Variants in ESR1 observed in about 807,000 individuals in gnomAD.
ESR1 encodes the protein estrogen receptor.
Under a neutral mutation model 52.7 loss-of-function variants are expected in ESR1, and 12 were observed. The observed-to-expected ratio is 0.23, with a 90% CI of 0.15 to 0.37. The LOEUF (loss-of-function observed/expected upper bound fraction) is 0.37, where lower values mean the gene tolerates loss of function less well. Ranked by LOEUF, ESR1 falls within the 10% of genes least tolerant of loss-of-function variation. The probability of loss-of-function intolerance (pLI) is 1.00; values close to 1 mark genes in which losing one functional copy is unlikely to be tolerated. For synonymous variants in ESR1, 305 were observed against 316.8 expected (o/e 0.96, Z 0.39); for missense variants, 584 against 779.7 (o/e 0.75, Z 2.99).
chr6:151,919,583 A>G (rs2031159775), intron 3 of ESR1, among the ~76,000 whole-genome samples: 1 of 152,240 alleles, frequency 6.6e-6, no homozygotes, highest in Non-Finnish European at 1.5e-5. Flanking sequence ...TGAGGTTACA[A>G]ATTGTTGACC....
At chr6:151,821,692 G>A (rs111929280) in intron 1 of ESR1, among the ~76,000 whole-genome samples, 479 of 152,194 alleles carry the variant, frequency 3.1e-3, no homozygotes, top group Non-Finnish European at 5.6e-3. Context: ...TTTCACTTTA[G>A]TATTGACAGA....
chr6:151,900,828 C>T (rs1562528832), intron 3 of ESR1, among the ~76,000 whole-genome samples: 1 of 152,212 alleles, frequency 6.6e-6, no homozygotes, highest in Non-Finnish European at 1.5e-5. Context: ...GATTCCAGCA[C>T]CTGCTCTGAT....
chr6:152,008,691 G>A (rs1299195129), intron 4 of ESR1, among the ~76,000 whole-genome samples: 2 of 152,054 alleles, frequency 1.3e-5, no homozygotes, highest in African/African-American at 2.4e-5. Flanking sequence ...TTCTTTTTGA[G>A]GTTTATTTAG....
chr6:151,702,321 C>G (rs557397573), intron 2 of ESR1, among the ~76,000 whole-genome samples: 2 of 152,288 alleles, frequency 1.3e-5, no homozygotes, highest in East Asian at 3.9e-4. Context: ...ATAGTCCACT[C>G]TAAGTAGGGA....
At chr6:151,848,030 T>C (rs1785461059) in intron 2 of ESR1, among the ~76,000 whole-genome samples, 1 of 85,208 alleles carries the variant, frequency 1.2e-5, no homozygotes, top group African/African-American at 4.4e-5. Flanking sequence ...CATGCACATG[T>C]ATGTTTATTG....
chr6:151,925,259 C>T lies in ESR1; in HGVS notation c.761-18914C>T, dbSNP rs552323275. Among the ~76,000 whole-genome samples the T allele has an allele frequency of 5.3e-5, 8 of 151,946 alleles. No individual in the cohort carries two copies. In the South Asian group the frequency reaches 1.5e-3, roughly 28 times the overall value. On this transcript the variant is annotated intron_variant, in intron 3 of 7. Transcript: ENST00000206249. ...TATGTAGCATTTTTTCATTTGTTGC[C>T]AACTGTATGTATTTTTCAATGAGGT... is the stretch of plus-strand genomic sequence containing the variant.
rs1342269213 is a variant in ESR1 at position 151,916,704 on chromosome 6, T to C, written c.761-27469T>C. ...CCCAGATCAATATTTTAGGAAACAG[T>C]CATGCTTGCTAAACCCAGGGATTTC... On this transcript the variant is annotated intron_variant, in intron 3 of 7. Coordinates refer to ENST00000206249, the MANE Select transcript of ESR1 (RefSeq NM_000125.4). 3.3e-5 allele frequency among the ~76,000 whole-genome samples: 5 copies of C among 152,276 alleles called. No individual in the cohort carries two copies. In the South Asian group the frequency reaches 8.3e-4, roughly 25 times the overall value.
intron 2 of ESR1, among the ~76,000 whole-genome samples, chr6:151,730,108 T>G (rs952977311): frequency 6.6e-6 from 1 of 152,236 alleles, no homozygotes; most frequent in South Asian, 2.1e-4. Context: ...GTTCCTGTTA[T>G]GCACATCAAT....
intron 4 of ESR1, among the ~76,000 whole-genome samples, chr6:151,977,888 A>C (rs1260751460): frequency 6.6e-6 from 1 of 151,408 alleles, no homozygotes; most frequent in African/African-American, 2.4e-5. Flanking sequence ...TGTATGCACC[A>C]ACCCTTAGAA....
chr6:151,806,949 T>C (rs555373081), upstream of ESR1, among the ~76,000 whole-genome samples: 8 of 152,268 alleles, frequency 5.3e-5, 1 homozygote, highest in East Asian at 1.6e-3. Context: ...TGGGACCAAG[T>C]ACAGTACTGT....
At chr6:151,799,854 C>T (rs182883591), upstream of ESR1, among the ~76,000 whole-genome samples, 131 of 152,158 alleles carry the variant, frequency 8.6e-4, no homozygotes, top group Non-Finnish European at 1.7e-3. Context: ...AATTTGCATA[C>T]GTGAATATTT....
intron 2 of ESR1, among the ~76,000 whole-genome samples, chr6:151,761,968 T>C (rs923366213): frequency 1.3e-5 from 2 of 152,220 alleles, no homozygotes; most frequent in African/African-American, 4.8e-5. Flanking sequence ...CACCTTGAAA[T>C]TCTTCTGCTT....
At chr6:151,727,858 C>T (rs1466294699) in intron 2 of ESR1, among the ~76,000 whole-genome samples, 3 of 152,196 alleles carry the variant, frequency 2.0e-5, no homozygotes, top group Non-Finnish European at 4.4e-5. Flanking sequence ...TAAGACGTGC[C>T]TTGGCTACTC....
chr6:152,027,803 T>C (rs2044281276), intron 5 of ESR1, among the ~76,000 whole-genome samples: 1 of 152,246 alleles, frequency 6.6e-6, no homozygotes, highest in Admixed American at 6.5e-5. Flanking sequence ...CTTTTGAATA[T>C]GTAGACTCAA....
intron 6 of ESR1, among the ~76,000 whole-genome samples, chr6:152,110,396 G>A (rs900067304): frequency 5.9e-5 from 9 of 152,148 alleles, no homozygotes; most frequent in Admixed American, 5.9e-4. Flanking sequence ...TGGCGCTGGA[G>A]GCCATTATCC....
chr6:151,775,824 A>T (rs924644500), intron 2 of ESR1, among the ~76,000 whole-genome samples: 1 of 152,172 alleles, frequency 6.6e-6, no homozygotes, highest in Non-Finnish European at 1.5e-5. Flanking sequence ...AGAGAAGCAG[A>T]ATCTACAGAA....
intron 3 of ESR1, among the ~76,000 whole-genome samples, chr6:151,888,261 T>C (rs1405218345): frequency 1.3e-5 from 2 of 152,196 alleles, no homozygotes; most frequent in Non-Finnish European, 2.9e-5. Flanking sequence ...TTGTGTCATA[T>C]GGATATTTTT....
intron 4 of ESR1, among the ~76,000 whole-genome samples, chr6:151,946,117 G>T (rs775510933): frequency 4.5e-4 from 68 of 152,172 alleles, no homozygotes; most frequent in Non-Finnish European, 7.5e-4. Flanking sequence ...ATGGCTGTAA[G>T]TTTTTTCTTT....
intron 3 of ESR1, among the ~76,000 whole-genome samples, chr6:151,881,820 G>A (rs1298230009): frequency 6.6e-6 from 1 of 151,654 alleles, no homozygotes; most frequent in Non-Finnish European, 1.5e-5. Context: ...CAGGTGGAGG[G>A]GGCAGTGAAC....
Sources: allele counts gnomAD v4.1 joint callset (sites outside exome capture counted in the v4.1 genomes callset), GRCh38; gene constraint gnomAD v4.1.1; transcripts MANE v1.5; gene names NCBI Gene and HGNC (gene_info 2026-07-23, HGNC 2026-07-21).